Variants in TRIM41 observed in about 807,000 individuals in gnomAD.
TRIM41 encodes the protein E3 ubiquitin-protein ligase TRIM41.
TRIM41 carries 21 observed loss-of-function variants against 60.6 expected under a neutral mutation model. The ratio of observed to expected loss-of-function variants is 0.35; its 90% CI spans 0.25 to 0.50. The LOEUF (loss-of-function observed/expected upper bound fraction) is 0.50. TRIM41 is among the 20% of genes least tolerant of loss of function. The pLI is 0.98. For synonymous variants in TRIM41, 407 were observed against 344.9 expected, an observed-to-expected ratio of 1.18 and a Z score of -2.00; for missense variants, 846 against 868.3, an observed-to-expected ratio of 0.97 and a Z score of 0.32.
At chr5:181,232,546 C>G (rs1015096883) in intron 2 of TRIM41, 113 bp from the exon 3 acceptor site, 7 of 984,494 alleles carry the variant, frequency 7.1e-6, no homozygotes, top group African/African-American at 1.6e-5. Flanking sequence ...CTATCTTGGA[C>G]CTGGGGAGTG....
chr5:181,230,574 GTCA>G (rs928010043), intron 1 of TRIM41, 167 bp from the exon 2 acceptor site: 9 of 400,062 alleles, frequency 2.2e-5, no homozygotes, highest in African/African-American at 1.9e-4. Flanking sequence ...GGAGGCTTTT[GTCA>G]TCATCTGAAA....
Position 181,235,312 on chromosome 5 carries a change from G to A in TRIM41, c.*537G>A, listed in dbSNP as rs987535958. 1.9e-6 allele frequency: 3 copies of A among 1,614,016 alleles called. No homozygotes were observed. The highest frequency in any genetic ancestry group is 1.3e-5 in the African/African-American group (1 of 74,898). ...AATGTCTATTCTCCTGGGGAGGAGG[G>A]ATTCTAAACTTTCCTTCCGTCCTCA... On this transcript the variant is annotated 3_prime_UTR_variant, in exon 6 of 6. Transcript: ENST00000315073.
At chr5:181,232,969 T>C in intron 3 of TRIM41, 80 bp downstream of exon 3, 1 of 1,398,856 alleles carries the variant, frequency 7.1e-7, no homozygotes, top group South Asian at 1.2e-5. Flanking sequence ...TGTCCAGAGC[T>C]GCCTCTTTTC....
At position 181,235,630 on chromosome 5, in the gene TRIM41, G is replaced by T; in HGVS notation, c.*855G>T. The stretch of plus-strand genomic sequence containing the variant: ...ACTCCATTTGGCAAGCTCTGAGGGG[G>T]AGCCTGGGGACGGGTTTGGGTCCCC... On this transcript the variant is annotated 3_prime_UTR_variant, in exon 6 of 6. Transcript: ENST00000315073. 1 of 554,574 alleles carries T rather than the reference G, an allele frequency of 1.8e-6. No homozygotes were observed. The highest frequency in any genetic ancestry group is 3.2e-6 in the Non-Finnish European group (1 of 314,144). The allele number at this position is 554,574 out of a possible 1,614,324, so 34.4% of individuals were successfully genotyped here.
At chr5:181,228,933 C>CAAAAAAAAAAAAAAAAAA (rs34347124) in intron 1 of TRIM41, 2 of 35,028 alleles carry the variant, frequency 5.7e-5, no homozygotes, top group African/African-American at 8.5e-5. Context: ...GACTCTGTCT[C>CAAAAAAAAAAAAAAAAAA]AAAAAAAAAA....
At chr5:181,232,958 C>A in intron 3 of TRIM41, 69 bp downstream of exon 3, 1 of 1,429,610 alleles carries the variant, frequency 7.0e-7, no homozygotes, top group Non-Finnish European at 9.5e-7. Context: ...TACCAAACGC[C>A]TGTCCAGAGC....
intron 2 of TRIM41, 104 bp from the exon 3 acceptor site, chr5:181,232,555 T>A: frequency 9.3e-7 from 1 of 1,076,456 alleles, no homozygotes; most frequent in Non-Finnish European, 1.3e-6. Flanking sequence ...ACCTGGGGAG[T>A]GTAGGGCTCC....
In TRIM41 at chr5:181,232,830, A is replaced by G; in HGVS notation, c.1081A>G (p.Ser361Gly). 1 of 1,569,796 alleles carries G rather than the reference A, an allele frequency of 6.4e-7. No individual in the cohort carries two copies. Residue 361 changes from serine (S) to glycine (G), a missense_variant, in exon 3 of 6, where the codon AGC (serine) becomes GGC (glycine). Ser to Gly is a moderately conservative substitution (Grantham distance 56). Coordinates refer to ENST00000315073, the MANE Select transcript of TRIM41 (RefSeq NM_033549.5). Reference sequence around the variant, plus strand: ...CCTTGCAGAACAGGCCGCCCAGCTCAGCCGCCTGCTGGCAGAGGCCCAGGA... The same window carrying G: ...CCTTGCAGAACAGGCCGCCCAGCTCGGCCGCCTGCTGGCAGAGGCCCAGGA... ...SRLAEQAAQL[S>G]RLLAEAQERS...
chr5:181,233,918 G>A lies in TRIM41; in HGVS notation c.1291+155G>A, dbSNP rs536815715. On this transcript the variant is annotated intron_variant, in intron 5 of 5. Coordinates refer to ENST00000315073, the MANE Select transcript of TRIM41 (RefSeq NM_033549.5). This position sits in a 1 kb window ranked among gnomAD's most constrained non-coding sequence, Gnocchi z 4.1. The stretch of plus-strand genomic sequence containing the variant: ...AGGTTGAGGTTTCAAGCCATGAGCA[G>A]GTAGACCTAGTGCAGGCAGGCCTGG... The A allele has an allele frequency of 1.7e-4, 226 of 1,319,642 alleles. 4 individuals carry two copies. In the South Asian group the frequency reaches 2.9e-3, roughly 17 times the overall value. 81.7% of individuals were successfully genotyped at this position (1,319,642 alleles called of 1,614,324 possible).
Position 181,233,585 on chromosome 5 carries a change from T to C in TRIM41, c.1164-51T>C, listed in dbSNP as rs1337588389. 1.2e-6 allele frequency: 2 copies of C among 1,610,866 alleles called. No individual in the cohort carries two copies. The highest frequency in any genetic ancestry group is 2.2e-5 in the East Asian group (1 of 44,856). On this transcript the variant is annotated intron_variant, in intron 4 of 5. Transcript: ENST00000315073. The surrounding 1 kb of genome is among the most constrained non-coding windows in gnomAD (Gnocchi z 4.1). ...TCTCCTTCCCCTCAGCTTTTGCTTT[T>C]CCCTCTGGGAATATCGTGGTCCCAC...
intron 1 of TRIM41, chr5:181,230,449 A>G (rs1582276896): frequency 6.3e-6 from 1 of 159,706 alleles, no homozygotes; most frequent in South Asian, 1.3e-4. Context: ...GTGAGCCAAG[A>G]TCGTGCCACT....
Position 181,223,519 on chromosome 5 carries a change from C to T in TRIM41, c.-481C>T, listed in dbSNP as rs1011455445. The T allele has an allele frequency of 1.2e-5, 5 of 420,926 alleles. No individual in the cohort carries two copies. The highest frequency in any genetic ancestry group is 1.7e-5 in the Non-Finnish European group (4 of 237,234). 26.1% of individuals were successfully genotyped at this position (420,926 alleles called of 1,614,324 possible). On this transcript the variant is annotated 5_prime_UTR_variant, in exon 1 of 6. Transcript: ENST00000315073. Reference sequence around the variant, plus strand: ...GCCTCCACCGTCCTAGCCCTCCCGCCCTGTTCTCTAGTGCGGACTAGAGCG... The same window carrying T: ...GCCTCCACCGTCCTAGCCCTCCCGCTCTGTTCTCTAGTGCGGACTAGAGCG...
Position 181,232,780 on chromosome 5 carries a change from G to A in TRIM41, c.1031G>A (p.Gly344Glu). 1 of 1,612,098 alleles carries A rather than the reference G, an allele frequency of 6.2e-7. No individual in the cohort carries two copies. Among genetic ancestry groups the A allele is most frequent in the Non-Finnish European group, 8.5e-7 (1 of 1,179,570 alleles). ...AGAGAGATGCATGAAGCCCAGCTGG[G>A]GCGTGCGGGAGCCGCGGCTAGTCGC... ...RLREMHEAQL[G>E]RAGAAASRLA... Residue 344 changes from glycine to glutamate, a missense_variant, in exon 3 of 6, where the codon GGG becomes GAG. Coordinates refer to ENST00000315073, the MANE Select transcript of TRIM41 (RefSeq NM_033549.5).
Position 181,230,496 on chromosome 5 carries a change from CAAAAAAAAAAAAAAAA to C in TRIM41, c.814-233_814-218del, listed in dbSNP as rs60815823. 10 of 43,730 alleles carry C rather than the reference CAAAAAAAAAAAAAAAA, an allele frequency of 2.3e-4. No individual in the cohort carries two copies. In the East Asian group the frequency reaches 4.3e-3, roughly 19 times the overall value. The allele number at this position is 43,730 out of a possible 1,614,324, so 2.7% of individuals were successfully genotyped here. Reference sequence around the variant, plus strand: ...TGAGCGACAGAGCGAGACTCTGTCTCAAAAAAAAAAAAAAAAAAAAAAAAAAAAAATACACACAGGG... The same window carrying C: ...TGAGCGACAGAGCGAGACTCTGTCTCAAAAAAAAAAAAAATACACACAGGG... On this transcript the variant is annotated intron_variant, in intron 1 of 5. Coordinates refer to ENST00000315073, the MANE Select transcript of TRIM41 (RefSeq NM_033549.5).
In TRIM41 at chr5:181,233,794, G is replaced by A; in HGVS notation, c.1291+31G>A. On this transcript the variant is annotated intron_variant, in intron 5 of 5. Transcript: ENST00000315073. The surrounding 1 kb of genome is among the most constrained non-coding windows in gnomAD (Gnocchi z 4.1). ...GAGGTCACCTCCACGACCTTCCTTT[G>A]CCTTTCCCTTCACAGACCTGAGACT... The A allele has an allele frequency of 6.2e-7, 1 of 1,614,162 alleles. No homozygotes were observed. The highest frequency in any genetic ancestry group is 1.3e-5 in the African/African-American group (1 of 75,052).
At chr5:181,230,196 G>A (rs1275499061) in intron 1 of TRIM41, 3 of 152,626 alleles carry the variant, frequency 2.0e-5, no homozygotes, top group African/African-American at 7.2e-5. Flanking sequence ...TACCTTTAGA[G>A]AATACACACA....
Position 181,234,378 on chromosome 5 carries a change from C to T in TRIM41, c.1496C>T (p.Ala499Val), listed in dbSNP as rs770577621. 96 of 1,549,274 alleles carry T rather than the reference C, an allele frequency of 6.2e-5. No individual in the cohort carries two copies. Among genetic ancestry groups the T allele is most frequent in the South Asian group, 9.5e-5 (8 of 84,194 alleles). Reference sequence around the variant, plus strand: ...GAGGTGGGCGGGCGGCGGGGCTGGGCGGTGGGTGCTGCCCGTGAATCAACC... The same window carrying T: ...GAGGTGGGCGGGCGGCGGGGCTGGGTGGTGGGTGCTGCCCGTGAATCAACC... ...EVEVGGRRGWAVGAARESTHH... is the reference protein window; with the variant it reads ...EVEVGGRRGWVVGAARESTHH... The change falls in exon 6 of 6, where the codon GCG becomes GTG. Residue 499 changes from alanine (A) to valine (V), a missense_variant. Ala to Val is a moderately conservative substitution (Grantham distance 64). Transcript: ENST00000315073. The surrounding 1 kb of genome is among the most constrained non-coding windows in gnomAD (Gnocchi z 5.6).
rs779816622 is a variant in TRIM41, at chr5:181,224,581, C to T, written c.582C>T (p.Ser194=). The T allele has an allele frequency of 1.2e-6, 2 of 1,614,174 alleles. No homozygotes were observed. The highest frequency in any genetic ancestry group is 2.2e-5 in the South Asian group (2 of 91,084). ...PQCRKSFPRR[S]FRPNLQLANM... Reference sequence around the variant, plus strand: ...GCCGAAAGAGCTTTCCTCGGCGGAGCTTCCGCCCCAACCTGCAGCTGGCCA... The same window carrying T: ...GCCGAAAGAGCTTTCCTCGGCGGAGTTTCCGCCCCAACCTGCAGCTGGCCA... The change falls in exon 1 of 6, where the codon AGC becomes AGT. Residue 194 remains serine (S), a synonymous_variant. Transcript: ENST00000315073.
chr5:181,234,978 A>G lies in TRIM41; in HGVS notation c.*203A>G, dbSNP rs1759024262. On this transcript the variant is annotated 3_prime_UTR_variant, in exon 6 of 6. Transcript: ENST00000315073. This position sits in a 1 kb window ranked among gnomAD's most constrained non-coding sequence, Gnocchi z 5.6. The stretch of plus-strand genomic sequence containing the variant: ...CCTCCAGCTCAGCCTTCTCTCACCT[A>G]CTATGTCTGTCCAACAGGTCTGCAT... 1 of 1,613,774 alleles carries G rather than the reference A, an allele frequency of 6.2e-7. No homozygotes were observed.
Sources: allele counts gnomAD v4.1 joint callset, GRCh38; gene constraint gnomAD v4.1.1; non-coding constraint Gnocchi (gnomAD v3.1); transcripts MANE v1.5; gene names NCBI Gene and HGNC (gene_info 2026-07-23, HGNC 2026-07-21).